TENM2: variants seen among roughly 807,000 people sequenced by gnomAD.
The protein encoded by TENM2 is teneurin-2.
TENM2 carries 52 observed loss-of-function variants against 245.2 expected under a neutral mutation model. The observed-to-expected ratio is 0.21, with a 90% CI of 0.17 to 0.27. The LOEUF (loss-of-function observed/expected upper bound fraction) is 0.27. Among genes scored for constraint, TENM2 ranks in the 10% least tolerant of loss-of-function variants. The probability of loss-of-function intolerance (pLI) is 1.00; values close to 1 mark genes in which losing one functional copy is unlikely to be tolerated. For synonymous variants in TENM2, 1,363 were observed against 1,438.9 expected (o/e 0.95, Z 1.19); for missense variants, 3,046 against 3,666.8 (o/e 0.83, Z 4.37).
At chr5:167,890,146 TTGG>T (rs1774627841) in intron 3 of TENM2, among the ~76,000 whole-genome samples, 1 of 152,108 alleles carries the variant, frequency 6.6e-6, no homozygotes. Context: ...TTTTGTAGTG[TTGG>T]GAGGCTTTGA....
Position 167,703,856 on chromosome 5 carries a change from C to T in TENM2, c.503-172130C>T, listed in dbSNP as rs189710128. Reference sequence around the variant, plus strand: ...AAGTAAAAAGAGGCAAGGATTTGTTCCTCAAATTATTGTGCTTAGGTGTTT... The same window carrying T: ...AAGTAAAAAGAGGCAAGGATTTGTTTCTCAAATTATTGTGCTTAGGTGTTT... On this transcript the variant is annotated intron_variant, in intron 2 of 28. Coordinates refer to ENST00000518659, the Ensembl canonical transcript of TENM2. Among the ~76,000 whole-genome samples, 5 of 152,176 alleles carry T rather than the reference C, an allele frequency of 3.3e-5. No homozygotes were observed. The East Asian group carries it at 7.7e-4, about 24-fold the overall frequency.
chr5:167,342,942 G>C (rs759515156), intron 1 of TENM2, among the ~76,000 whole-genome samples: 6 of 151,730 alleles, frequency 4.0e-5, no homozygotes, highest in Non-Finnish European at 8.8e-5. Flanking sequence ...ATTGGAGGCA[G>C]AGTATTTACA....
At chr5:167,752,996 G>T (rs991893045) in intron 2 of TENM2, among the ~76,000 whole-genome samples, 40 of 152,230 alleles carry the variant, frequency 2.6e-4, no homozygotes, top group African/African-American at 9.1e-4. Context: ...CCAAGGGGAT[G>T]GTTGGCTATT....
At chr5:168,097,484 G>A (rs1411527832) in intron 8 of TENM2, among the ~76,000 whole-genome samples, 1 of 152,132 alleles carries the variant, frequency 6.6e-6, no homozygotes, top group African/African-American at 2.4e-5. Flanking sequence ...GAGTGCAATG[G>A]CGCAATCTCA....
At chr5:167,732,737 T>C (rs1352496016) in intron 2 of TENM2, among the ~76,000 whole-genome samples, 1 of 152,122 alleles carries the variant, frequency 6.6e-6, no homozygotes, top group Non-Finnish European at 1.5e-5. Flanking sequence ...TCCAAGAAAA[T>C]GTTATTCCAT....
intron 2 of TENM2, among the ~76,000 whole-genome samples, chr5:167,846,775 C>T (rs1770080856): frequency 6.6e-6 from 1 of 152,284 alleles, no homozygotes; most frequent in African/African-American, 2.4e-5. Context: ...TTAAGTGGCA[C>T]CTTTTGGTTC....
At chr5:167,489,533 G>A (rs933267937) in intron 2 of TENM2, among the ~76,000 whole-genome samples, 20 of 152,228 alleles carry the variant, frequency 1.3e-4, no homozygotes, top group African/African-American at 4.6e-4. Context: ...CTGCCCTTCA[G>A]CATTCTCTCC....
intron 2 of TENM2, among the ~76,000 whole-genome samples, chr5:167,403,287 T>C (rs1762460179): frequency 6.7e-6 from 1 of 149,984 alleles, no homozygotes; most frequent in Non-Finnish European, 1.5e-5. Flanking sequence ...CAAACCAAGC[T>C]GAAATGTCTG....
At chr5:167,741,591 C>T (rs941363446) in intron 2 of TENM2, among the ~76,000 whole-genome samples, 4 of 152,150 alleles carry the variant, frequency 2.6e-5, no homozygotes, top group Non-Finnish European at 5.9e-5. Flanking sequence ...GGAATGGAGG[C>T]CCCTAATCAC....
chr5:167,879,671 G>T (rs1464539006), intron 3 of TENM2, among the ~76,000 whole-genome samples: 2 of 152,038 alleles, frequency 1.3e-5, no homozygotes, highest in African/African-American at 4.8e-5. Flanking sequence ...GAAACATTGA[G>T]GTTTTTTTTA....
At chr5:167,506,296 C>A (rs1769542399) in intron 2 of TENM2, among the ~76,000 whole-genome samples, 1 of 152,080 alleles carries the variant, frequency 6.6e-6, no homozygotes, top group South Asian at 2.1e-4. Flanking sequence ...GAGAAATGTG[C>A]AAATAATTTC....
the TENM2 span, among the ~76,000 whole-genome samples, chr5:167,054,998 A>G: frequency 3.3e-5 from 5 of 152,146 alleles, no homozygotes; most frequent in African/African-American, 1.2e-4. Context: ...TTTTCTTGAC[A>G]TTGACTTCTG....
At chr5:167,451,143 A>G (rs1051235475) in intron 2 of TENM2, among the ~76,000 whole-genome samples, 3 of 152,200 alleles carry the variant, frequency 2.0e-5, no homozygotes, top group African/African-American at 7.2e-5. Flanking sequence ...TGCACACTCT[A>G]AATTCAAGCT....
At chr5:167,771,939 G>A (rs538666978) in intron 2 of TENM2, among the ~76,000 whole-genome samples, 8 of 152,126 alleles carry the variant, frequency 5.3e-5, no homozygotes, top group Non-Finnish European at 1.2e-4. Flanking sequence ...GTATCTGAAT[G>A]CCCTAGTTTG....
At chr5:168,025,830 TC>T (rs1562066751) in intron 5 of TENM2, among the ~76,000 whole-genome samples, 1 of 152,108 alleles carries the variant, frequency 6.6e-6, no homozygotes, top group Non-Finnish European at 1.5e-5. Context: ...TAAAATAACT[TC>T]CACCTGAGCT....
the TENM2 span, among the ~76,000 whole-genome samples, chr5:167,225,972 C>T: frequency 2.6e-5 from 4 of 151,862 alleles, no homozygotes; most frequent in African/African-American, 9.7e-5. Flanking sequence ...ATAATAGTGT[C>T]TAATGATCTT....
intron 3 of TENM2, among the ~76,000 whole-genome samples, chr5:167,909,742 A>G (rs1776403583): frequency 6.6e-6 from 1 of 152,196 alleles, no homozygotes; most frequent in Non-Finnish European, 1.5e-5. Context: ...TTACCATGCA[A>G]ATCAAAAATA....
chr5:168,111,127 G>A (rs1401273733), intron 9 of TENM2, among the ~76,000 whole-genome samples: 1 of 152,164 alleles, frequency 6.6e-6, no homozygotes, highest in African/African-American at 2.4e-5. Context: ...CCATACTTTC[G>A]TGCTTAAGTC....
chr5:167,909,872 T>C (rs1011183917), intron 3 of TENM2, among the ~76,000 whole-genome samples: 2 of 151,232 alleles, frequency 1.3e-5, no homozygotes, highest in Non-Finnish European at 2.9e-5. Flanking sequence ...AATTATGCCT[T>C]CCAAAGTTAA....
Sources: gnomAD v4.1 joint callset for allele counts (sites outside exome capture counted in the v4.1 genomes callset) on GRCh38, gnomAD v4.1.1 for gene constraint, MANE v1.5 for transcripts, NCBI Gene and HGNC (gene_info 2026-07-23, HGNC 2026-07-21) for gene names.